The following ULK4 variants were observed in gnomAD, a reference collection of about 807,000 sequenced individuals.
ULK4 encodes the protein unc-51 like kinase 4.
In ULK4, 133 loss-of-function variants were observed where a neutral mutation model predicts 160.6. The observed-to-expected ratio is 0.83, with a 90% CI of 0.72 to 0.96. ULK4 has a LOEUF of 0.96. ULK4 is among the 40% of genes least tolerant of loss of function. The probability of loss-of-function intolerance (pLI) is 0.00; values close to 1 mark genes in which losing one functional copy is unlikely to be tolerated. For synonymous variants in ULK4, 534 were observed against 539.8 expected, an observed-to-expected ratio of 0.99 and a Z score of 0.15; for missense variants, 1,580 against 1,499.5, an observed-to-expected ratio of 1.05 and a Z score of -0.89.
At chr3:41,950,398 G>A (rs959923674) in intron 2 of ULK4, among the ~76,000 whole-genome samples, 1 of 152,080 alleles carries the variant, frequency 6.6e-6, no homozygotes, top group Admixed American at 6.6e-5. Flanking sequence ...GTGCCACCAT[G>A]CCCGGCTGAT....
intron 35 of ULK4, among the ~76,000 whole-genome samples, chr3:41,332,680 G>T (rs907569193): frequency 8.5e-5 from 13 of 152,148 alleles, no homozygotes; most frequent in Non-Finnish European, 2.9e-5. Context: ...GATTCAGGGG[G>T]TATATGTGCA....
intron 35 of ULK4, among the ~76,000 whole-genome samples, chr3:41,263,495 C>T (rs147803244): frequency 6.6e-6 from 1 of 152,268 alleles, no homozygotes; most frequent in East Asian, 1.9e-4. Flanking sequence ...TTCCCCAGTT[C>T]CTCACTCGAC....
chr3:41,512,213 C>A (rs1001530296), intron 32 of ULK4, among the ~76,000 whole-genome samples: 2 of 152,162 alleles, frequency 1.3e-5, no homozygotes, highest in South Asian at 4.1e-4. Flanking sequence ...CCCCTGAGAA[C>A]TGGAACAAGA....
chr3:41,719,281 T>G (rs1298504684), intron 22 of ULK4, among the ~76,000 whole-genome samples: 2 of 152,180 alleles, frequency 1.3e-5, no homozygotes, highest in African/African-American at 2.4e-5. Flanking sequence ...TCTAACTGTT[T>G]AACACAGGCT....
At chr3:41,832,868 T>C (rs1402624802) in intron 18 of ULK4, among the ~76,000 whole-genome samples, 1 of 152,124 alleles carries the variant, frequency 6.6e-6, no homozygotes, top group Non-Finnish European at 1.5e-5. Flanking sequence ...ATTTCTGAGG[T>C]CTCTGTTCTG....
At chr3:41,659,586 C>T (rs1312292648) in intron 30 of ULK4, among the ~76,000 whole-genome samples, 2 of 151,504 alleles carry the variant, frequency 1.3e-5, no homozygotes, top group Non-Finnish European at 2.9e-5. Flanking sequence ...GTTTTGATGG[C>T]AAGACTTGCA....
intron 32 of ULK4, among the ~76,000 whole-genome samples, chr3:41,508,865 G>A (rs752925704): frequency 9.9e-5 from 15 of 152,054 alleles, no homozygotes; most frequent in East Asian, 5.8e-4. Context: ...TAGTCTACCC[G>A]AATGAGAAGG....
chr3:41,949,131 A>AC (rs768195078), intron 2 of ULK4, among the ~76,000 whole-genome samples: 2 of 151,658 alleles, frequency 1.3e-5, no homozygotes, highest in Non-Finnish European at 2.9e-5. Flanking sequence ...ACATGGTGAA[A>AC]CCCCGTCTCT....
chr3:41,405,584 C>T (rs1360783347), intron 34 of ULK4, among the ~76,000 whole-genome samples: 2 of 152,184 alleles, frequency 1.3e-5, no homozygotes, highest in African/African-American at 4.8e-5. Flanking sequence ...ATTTACTTTA[C>T]CACCAACAGT....
intron 21 of ULK4, among the ~76,000 whole-genome samples, chr3:41,775,599 A>G (rs955171660): frequency 1.3e-5 from 2 of 150,372 alleles, no homozygotes; most frequent in Non-Finnish European, 2.9e-5. Context: ...GGGTTTCACT[A>G]TGTTGGCCAG....
At chr3:41,883,843 T>G (rs1168226727) in intron 17 of ULK4, 31 bp downstream of exon 17, 1 of 1,533,004 alleles carries the variant, frequency 6.5e-7, no homozygotes, top group Non-Finnish European at 9.0e-7. Flanking sequence ...TTTCTTGACA[T>G]TCATCACATT....
chr3:41,696,512 G>A (rs1036258260), intron 27 of ULK4, among the ~76,000 whole-genome samples: 3 of 151,896 alleles, frequency 2.0e-5, no homozygotes, highest in Non-Finnish European at 4.4e-5. Context: ...ATAAATAACA[G>A]CACAGCCAGA....
intron 35 of ULK4, among the ~76,000 whole-genome samples, chr3:41,276,844 C>A (rs995089074): frequency 6.6e-6 from 1 of 152,152 alleles, no homozygotes; most frequent in Non-Finnish European, 1.5e-5. Context: ...CTTAATCTCA[C>A]AGTAGCATAC....
At chr3:41,819,379 A>G (rs1289888685) in intron 19 of ULK4, 44 bp downstream of exon 19, 1 of 1,577,552 alleles carries the variant, frequency 6.3e-7, no homozygotes, top group African/African-American at 1.4e-5. Flanking sequence ...CTGAAGGGTT[A>G]TTACAATTGC....
chr3:41,409,942 C>T lies in ULK4; in HGVS notation c.3493-11678G>A, dbSNP rs367842356. Among the ~76,000 whole-genome samples, 692 of 117,348 alleles carry T rather than the reference C, an allele frequency of 5.9e-3. 1 individual carries two copies. The highest frequency in any genetic ancestry group is 0.028 in the African/African-American group (665 of 24,106). 77.0% of individuals were successfully genotyped at this position (117,348 alleles called of 152,430 possible). A position where few individuals can be genotyped will look rare whatever the true frequency, so the allele number is the denominator to read the frequency against. On this transcript the variant is annotated intron_variant, in intron 34 of 36. Coordinates refer to ENST00000301831, the MANE Select transcript of ULK4 (RefSeq NM_017886.4). Reference sequence around the variant, plus strand: ...CCAGCCTGGGTGACAGAGCGAGACCCGGTCTCAAAAAAAAAAAAGAAAAGA... The same window carrying T: ...CCAGCCTGGGTGACAGAGCGAGACCTGGTCTCAAAAAAAAAAAAGAAAAGA...
intron 32 of ULK4, among the ~76,000 whole-genome samples, chr3:41,474,175 G>T (rs1244998758): frequency 1.3e-5 from 2 of 152,018 alleles, no homozygotes; most frequent in Non-Finnish European, 2.9e-5. Flanking sequence ...TTGACCAGTA[G>T]AAAAGAATAG....
chr3:41,571,434 G>C (rs1469185664), intron 31 of ULK4, among the ~76,000 whole-genome samples: 1 of 152,184 alleles, frequency 6.6e-6, no homozygotes, highest in Non-Finnish European at 1.5e-5. Context: ...TATCTTAGCA[G>C]CTTTAATAAG....
Sources: gnomAD v4.1 joint callset for allele counts (sites outside exome capture counted in the v4.1 genomes callset) on GRCh38, gnomAD v4.1.1 for gene constraint, MANE v1.5 for transcripts, NCBI Gene and HGNC (gene_info 2026-07-23, HGNC 2026-07-21) for gene names.